The following ANKLE2 variants were observed in gnomAD, a reference collection of about 807,000 sequenced individuals.
ANKLE2 encodes the protein ankyrin repeat and LEM domain-containing protein 2.
Under a neutral mutation model 84.2 loss-of-function variants are expected in ANKLE2, and 55 were observed. The observed-to-expected ratio is 0.65, with a 90% CI of 0.53 to 0.82. The LOEUF (loss-of-function observed/expected upper bound fraction) is 0.82, where lower values mean the gene tolerates loss of function less well. ANKLE2 is among the 40% of genes least tolerant of loss of function. The pLI, the probability that ANKLE2 is intolerant of heterozygous loss-of-function variation, is 0.00. For missense variants in ANKLE2, 1,238 were observed against 1,201.9 expected (o/e 1.03, Z -0.44); for synonymous variants, 551 against 486.1 (o/e 1.13, Z -1.76).
chr12:132,730,533 G>A (rs1334988004), intron 10 of ANKLE2: 4 of 439,212 alleles, frequency 9.1e-6, no homozygotes, highest in Non-Finnish European at 1.6e-5. Context: ...ACACAATCAG[G>A]CTGCTGGGGC....
intron 5 of ANKLE2, among the ~76,000 whole-genome samples, chr12:132,746,678 A>C (rs1223168166): frequency 6.6e-5 from 10 of 152,136 alleles, no homozygotes; most frequent in African/African-American, 2.2e-4. Context: ...TTAGCCTCCT[A>C]GTGAGAGAAT....
intron 5 of ANKLE2, among the ~76,000 whole-genome samples, chr12:132,747,465 G>A (rs1387329082): frequency 6.6e-6 from 1 of 152,208 alleles, no homozygotes; most frequent in Non-Finnish European, 1.5e-5. Context: ...GTGGCTCTTG[G>A]TAGGACACTG....
At chr12:132,753,154 T>A (rs1329091964) in intron 2 of ANKLE2, among the ~76,000 whole-genome samples, 1 of 151,778 alleles carries the variant, frequency 6.6e-6, no homozygotes, top group African/African-American at 2.4e-5. Context: ...CTACCAAGAA[T>A]ACAAAAAAAC....
chr12:132,747,592 TCAGA>T (rs908058806), intron 5 of ANKLE2, among the ~76,000 whole-genome samples: 10 of 152,152 alleles, frequency 6.6e-5, no homozygotes, highest in Non-Finnish European at 1.0e-4. Context: ...CCCAGACAGT[TCAGA>T]CACCCTCGGG....
At chr12:132,752,440 C>T (rs989745448) in intron 2 of ANKLE2, among the ~76,000 whole-genome samples, 2 of 152,182 alleles carry the variant, frequency 1.3e-5, no homozygotes, top group Non-Finnish European at 1.5e-5. Flanking sequence ...CTAGCTCTGT[C>T]GCTCAGGCTG....
intron 10 of ANKLE2, chr12:132,730,686 G>A (rs1013116507): frequency 3.9e-5 from 7 of 179,048 alleles, no homozygotes; most frequent in East Asian, 2.7e-4. Context: ...ATGGTGGCAC[G>A]CACCTGTAGT....
In ANKLE2 at chr12:132,761,772, G is replaced by T. The variant is rs1301344987; in HGVS notation, c.27C>A (p.Ala9=). MLWPRLAA[A]EWAALAWELL... ...GCTCCCAGGCCAGCGCCGCCCACTCGGCCGCCGCCAGCCGCGGCCACAGCA... is the reference window on the plus strand; with the variant it reads ...GCTCCCAGGCCAGCGCCGCCCACTCTGCCGCCGCCAGCCGCGGCCACAGCA... Residue 9 remains alanine (A), a synonymous_variant, in exon 1 of 13, where the codon GCC becomes GCA. Coordinates refer to ENST00000357997, the MANE Select transcript of ANKLE2 (RefSeq NM_015114.3). The T allele has an allele frequency of 1.7e-6, 2 of 1,172,580 alleles. No homozygotes were observed. The highest frequency in any genetic ancestry group is 1.6e-5 in the African/African-American group (1 of 61,692). The allele number at this position is 1,172,580 out of a possible 1,614,324, so 72.6% of individuals were successfully genotyped here.
chr12:132,739,429 G>A (rs539584811), intron 7 of ANKLE2, among the ~76,000 whole-genome samples: 5 of 152,222 alleles, frequency 3.3e-5, no homozygotes, highest in African/African-American at 1.2e-4. Flanking sequence ...CATTTTACAG[G>A]TTAATTGGCA....
intron 1 of ANKLE2, chr12:132,759,176 CCGGGG>C (rs1566042033): frequency 0.012 from 682 of 56,480 alleles, 64 homozygotes; most frequent in African/African-American, 0.052. Flanking sequence ...GAGTGGCACC[CCGGGG>C]CACCCACGTG....
At chr12:132,740,935 C>T (rs2044109644) in intron 7 of ANKLE2, among the ~76,000 whole-genome samples, 1 of 152,076 alleles carries the variant, frequency 6.6e-6, no homozygotes, top group African/African-American at 2.4e-5. Context: ...AGGAAGGAGG[C>T]AGCTTCAGAA....
intron 6 of ANKLE2, 137 bp from the exon 7 acceptor site, chr12:132,741,622 C>A: frequency 1.2e-6 from 1 of 852,710 alleles, no homozygotes; most frequent in South Asian, 1.6e-5. Flanking sequence ...AAAGCTCACA[C>A]TCAGAAAACG....
At position 132,741,412 on chromosome 12, in the gene ANKLE2, A is replaced by G; in HGVS notation, c.1420+7T>C. The G allele has an allele frequency of 6.2e-7, 1 of 1,613,836 alleles. No individual in the cohort carries two copies. Among genetic ancestry groups the G allele is most frequent in the South Asian group, 1.1e-5 (1 of 90,868 alleles). On this transcript the variant is annotated splice_region_variant and intron_variant, in intron 7 of 12. Transcript: ENST00000357997. ...CCCACGATCCAGGCACCAACTCCCC[A>G]TCTTACCCTTTAAATACTCTCTGAT... is the stretch of plus-strand genomic sequence containing the variant.
In ANKLE2 at chr12:132,743,061, T is replaced by C. The variant is rs2044163591; in HGVS notation, c.1353+93A>G. 2.4e-6 allele frequency: 3 copies of C among 1,275,790 alleles called. No individual in the cohort carries two copies. The highest frequency in any genetic ancestry group is 3.2e-6 in the Non-Finnish European group (3 of 945,228). The allele number at this position is 1,275,790 out of a possible 1,614,324, so 79.0% of individuals were successfully genotyped here. ...GCAAACACAACTCATACAGAGCTCC[T>C]TGTGGCTTCCCTGTGCCTGTGATCA... On this transcript the variant is annotated intron_variant, in intron 6 of 12. Coordinates refer to ENST00000357997, the MANE Select transcript of ANKLE2 (RefSeq NM_015114.3). This position sits in a 1 kb window ranked among gnomAD's most constrained non-coding sequence, Gnocchi z 4.1.
Position 132,754,918 on chromosome 12 carries a change from C to T in ANKLE2, c.397G>A (p.Asp133Asn). The change falls in exon 2 of 13, where the codon GAC becomes AAC. Residue 133 changes from aspartate (D) to asparagine (N), a missense_variant. Asp to Asn is a conservative substitution (Grantham distance 23). Coordinates refer to ENST00000357997, the MANE Select transcript of ANKLE2 (RefSeq NM_015114.3). Reference sequence around the variant, plus strand: ...GCTGGCTTCAAAATCCTTTGTGGGTCCTGGCTGAGAGCTGTGACACCTGCC... The same window carrying T: ...GCTGGCTTCAAAATCCTTTGTGGGTTCTGGCTGAGAGCTGTGACACCTGCC... Reference protein sequence around the residue: ...HEAGVTALSQDPQRILKPAEG... With the variant: ...HEAGVTALSQNPQRILKPAEG... 3 of 1,614,164 alleles carry T rather than the reference C, an allele frequency of 1.9e-6. 1 individual carries two copies. The highest frequency in any genetic ancestry group is 2.5e-6 in the Non-Finnish European group (3 of 1,180,032).
intron 7 of ANKLE2, among the ~76,000 whole-genome samples, chr12:132,740,667 T>C (rs2044101257): frequency 6.6e-6 from 1 of 152,024 alleles, no homozygotes; most frequent in African/African-American, 2.4e-5. Flanking sequence ...AAGTGTCATC[T>C]TCCAAAATTC....
At chr12:132,733,138 G>C (rs1226997284) in intron 10 of ANKLE2, among the ~76,000 whole-genome samples, 69 of 51,118 alleles carry the variant, frequency 1.3e-3, no homozygotes, top group East Asian at 3.4e-3. Flanking sequence ...GTGAAGCACT[G>C]CGCGTCCTGG....
At chr12:132,727,619 C>A (rs1310114047) in intron 12 of ANKLE2, among the ~76,000 whole-genome samples, 176 bp from the exon 13 acceptor site, 1 of 150,826 alleles carries the variant, frequency 6.6e-6, no homozygotes, top group African/African-American at 2.4e-5. Flanking sequence ...ACTGCTGAAC[C>A]CTGGCACCGC....
rs565319243 is a variant in ANKLE2, at chr12:132,727,500, C to A, written c.2616-57G>T. On this transcript the variant is annotated intron_variant, in intron 12 of 12. Coordinates refer to ENST00000357997, the MANE Select transcript of ANKLE2 (RefSeq NM_015114.3). ...CGGGCACAGGCCCGGAGATGAACAG[C>A]AAAAGTCGGAGAATAATGGCCCCAG... 216 of 1,442,332 alleles carry A rather than the reference C, an allele frequency of 1.5e-4. 1 individual carries two copies. The African/African-American group carries it at 3.4e-3, about 23-fold the overall frequency. 89.3% of individuals were successfully genotyped at this position (1,442,332 alleles called of 1,614,324 possible). A position where few individuals can be genotyped will look rare whatever the true frequency, so the allele number is the denominator to read the frequency against.
At chr12:132,735,923 C>G (rs1453311036) in intron 8 of ANKLE2, among the ~76,000 whole-genome samples, 1 of 152,208 alleles carries the variant, frequency 6.6e-6, no homozygotes, top group Non-Finnish European at 1.5e-5. Context: ...CTCACCTAAC[C>G]TTACCTGATA....
Sources: allele counts gnomAD v4.1 joint callset (sites outside exome capture counted in the v4.1 genomes callset), GRCh38; gene constraint gnomAD v4.1.1; non-coding constraint Gnocchi (gnomAD v3.1); transcripts MANE v1.5; gene names NCBI Gene and HGNC (gene_info 2026-07-23, HGNC 2026-07-21).